The following LRRC4C variants were observed in gnomAD, a reference collection of about 807,000 sequenced individuals.
The protein encoded by LRRC4C is leucine rich repeat containing 4C.
A neutral mutation model predicts 33.6 loss-of-function variants in LRRC4C; 5 were observed. That is an observed-to-expected ratio of 0.15 (90% CI 0.08 to 0.31). The LOEUF is 0.31. LRRC4C is among the 10% of genes least tolerant of loss of function. The probability of loss-of-function intolerance (pLI) is 1.00; values close to 1 mark genes in which losing one functional copy is unlikely to be tolerated. For synonymous variants in LRRC4C, 329 were observed against 302.0 expected, an observed-to-expected ratio of 1.09 and a Z score of -0.93; for missense variants, 560 against 796.7, an observed-to-expected ratio of 0.70 and a Z score of 3.58.
chr11:41,313,493 A>G (rs1950698508), intron 1 of LRRC4C, among the ~76,000 whole-genome samples: 1 of 152,148 alleles, frequency 6.6e-6, no homozygotes, highest in African/African-American at 2.4e-5. Context: ...CACCTTAACC[A>G]AATCAGGACT....
chr11:40,968,051 G>T (rs1038194443), intron 1 of LRRC4C, among the ~76,000 whole-genome samples: 4 of 151,968 alleles, frequency 2.6e-5, no homozygotes, highest in Non-Finnish European at 5.9e-5. Context: ...GTCAAGTGGT[G>T]AACTCAAAGG....
chr11:41,237,840 A>C (rs919939483), intron 1 of LRRC4C, among the ~76,000 whole-genome samples: 2 of 152,162 alleles, frequency 1.3e-5, no homozygotes, highest in African/African-American at 4.8e-5. Flanking sequence ...TTAATTACCT[A>C]AATATTAGCT....
intron 1 of LRRC4C, among the ~76,000 whole-genome samples, chr11:41,143,591 A>C (rs2135924340): frequency 6.6e-6 from 1 of 152,312 alleles, no homozygotes; most frequent in South Asian, 2.1e-4. Context: ...TTTGTCATAT[A>C]AAATATCTCA....
chr11:41,242,804 T>C (rs916071213), intron 1 of LRRC4C, among the ~76,000 whole-genome samples: 1 of 152,172 alleles, frequency 6.6e-6, no homozygotes, highest in Non-Finnish European at 1.5e-5. Flanking sequence ...CCAATTCCAA[T>C]TATGGAAATA....
intron 3 of LRRC4C, among the ~76,000 whole-genome samples, chr11:40,367,327 C>G (rs1948253791): frequency 6.6e-6 from 1 of 152,068 alleles, no homozygotes; most frequent in South Asian, 2.1e-4. Flanking sequence ...TTCAAATACA[C>G]TCATTTTCTC....
At chr11:41,429,711 G>A (rs1421032145) in intron 1 of LRRC4C, among the ~76,000 whole-genome samples, 1 of 152,084 alleles carries the variant, frequency 6.6e-6, no homozygotes, top group Non-Finnish European at 1.5e-5. Context: ...GGCCGACTAT[G>A]AAAGACATAC....
At chr11:40,809,020 G>T (rs559174943) in intron 2 of LRRC4C, among the ~76,000 whole-genome samples, 1 of 152,100 alleles carries the variant, frequency 6.6e-6, no homozygotes, top group East Asian at 1.9e-4. Context: ...GATGCTCACT[G>T]GTTCTTCCTT....
At chr11:40,727,676 C>T (rs1947351076) in intron 2 of LRRC4C, among the ~76,000 whole-genome samples, 1 of 152,044 alleles carries the variant, frequency 6.6e-6, no homozygotes, top group South Asian at 2.1e-4. Flanking sequence ...ATCGATATCC[C>T]GAACCTATAA....
intron 1 of LRRC4C, among the ~76,000 whole-genome samples, chr11:41,197,526 C>T (rs1307367583): frequency 6.6e-6 from 1 of 152,018 alleles, no homozygotes; most frequent in East Asian, 1.9e-4. Flanking sequence ...TCAAAAACAT[C>T]AAACAGCACC....
At chr11:40,177,348 G>A (rs1427390436) in intron 5 of LRRC4C, among the ~76,000 whole-genome samples, 1 of 152,108 alleles carries the variant, frequency 6.6e-6, no homozygotes, top group African/African-American at 2.4e-5. Context: ...ACTTACTTAA[G>A]GTAAAAGCAT....
At chr11:41,396,057 G>A (rs766416034) in intron 1 of LRRC4C, among the ~76,000 whole-genome samples, 31 of 151,690 alleles carry the variant, frequency 2.0e-4, no homozygotes, top group African/African-American at 3.1e-4. Context: ...TATTTTTTTC[G>A]GCTCAACGGC....
At chr11:40,299,079 A>G (rs1944649847) in intron 4 of LRRC4C, among the ~76,000 whole-genome samples, 1 of 152,206 alleles carries the variant, frequency 6.6e-6, no homozygotes, top group South Asian at 2.1e-4. Flanking sequence ...TGATCATTGC[A>G]ATCAACTACA....
intron 1 of LRRC4C, among the ~76,000 whole-genome samples, chr11:41,260,609 G>T (rs1034783471): frequency 6.6e-6 from 1 of 151,646 alleles, no homozygotes; most frequent in Non-Finnish European, 1.5e-5. Context: ...GTATATATAT[G>T]TGTACACACA....
intron 2 of LRRC4C, among the ~76,000 whole-genome samples, chr11:40,750,817 A>T (rs1247806385): frequency 6.6e-6 from 1 of 150,600 alleles, no homozygotes; most frequent in African/African-American, 2.5e-5. Flanking sequence ...AGAAAAAAAA[A>T]AAAAGAAAAG....
At chr11:40,965,875 T>C (rs1360120615) in intron 1 of LRRC4C, among the ~76,000 whole-genome samples, 3 of 151,852 alleles carry the variant, frequency 2.0e-5, no homozygotes, top group Non-Finnish European at 4.4e-5. Context: ...TCCATATGAA[T>C]TTTAAAGTAG....
chr11:41,399,078 A>G (rs975063874), intron 1 of LRRC4C, among the ~76,000 whole-genome samples: 15 of 152,004 alleles, frequency 9.9e-5, no homozygotes, highest in Admixed American at 2.0e-4. Flanking sequence ...AAAGCATCTG[A>G]AATTTGCAAA....
At chr11:41,363,685 AT>A (rs1304740652) in intron 1 of LRRC4C, among the ~76,000 whole-genome samples, 1 of 152,166 alleles carries the variant, frequency 6.6e-6, no homozygotes, top group East Asian at 1.9e-4. Context: ...TAAATTAGAT[AT>A]TTTTTGGCAT....
At chr11:40,802,583 C>A (rs1951084307) in intron 2 of LRRC4C, among the ~76,000 whole-genome samples, 2 of 151,602 alleles carry the variant, frequency 1.3e-5, no homozygotes, top group Non-Finnish European at 1.5e-5. Flanking sequence ...ATTTCTTTAA[C>A]CCTTAATGTG....
intron 1 of LRRC4C, among the ~76,000 whole-genome samples, chr11:40,990,869 A>C (rs1223615202): frequency 6.6e-6 from 1 of 152,122 alleles, no homozygotes; most frequent in Admixed American, 6.6e-5. Flanking sequence ...TGTGTGATGA[A>C]ATGTAAAAGA....
Sources: allele counts gnomAD v4.1 joint callset (sites outside exome capture counted in the v4.1 genomes callset), GRCh38; gene constraint gnomAD v4.1.1; transcripts MANE v1.5; gene names NCBI Gene and HGNC (gene_info 2026-07-23, HGNC 2026-07-21).